The following SH3TC1 variants were observed in gnomAD, a reference collection of about 807,000 sequenced individuals.
SH3TC1 encodes SH3 domain and tetratricopeptide repeat-containing protein 1.
A neutral mutation model predicts 117.3 loss-of-function variants in SH3TC1; 135 were observed. The ratio of observed to expected loss-of-function variants is 1.15; its 90% CI spans 1.00 to 1.33. The LOEUF (loss-of-function observed/expected upper bound fraction) is 1.33, where lower values mean the gene tolerates loss of function less well. SH3TC1 is among the 40% of genes most tolerant of loss of function. SH3TC1 has a pLI of 0.00. For synonymous variants in SH3TC1, 898 were observed against 816.9 expected, an observed-to-expected ratio of 1.10 and a Z score of -1.69; for missense variants, 2,092 against 1,794.3, an observed-to-expected ratio of 1.17 and a Z score of -3.00.
intron 6 of SH3TC1, among the ~76,000 whole-genome samples, chr4:8,216,730 G>A (rs1235218503): frequency 6.6e-6 from 1 of 152,152 alleles, no homozygotes; most frequent in Non-Finnish European, 1.5e-5. Flanking sequence ...CCCAGGGCGA[G>A]GGTCTGAGGC....
At chr4:8,229,792 C>G (rs1720974762) in intron 12 of SH3TC1, among the ~76,000 whole-genome samples, 1 of 152,108 alleles carries the variant, frequency 6.6e-6, no homozygotes, top group South Asian at 2.1e-4. Flanking sequence ...CCCCAGCCCC[C>G]ACAGCAGCCT....
In SH3TC1 at chr4:8,225,957, G is replaced by A. The variant is rs1407296098; in HGVS notation, c.1285+741G>A. Among the ~76,000 whole-genome samples the A allele has an allele frequency of 2.6e-5, 4 of 152,258 alleles. No individual in the cohort carries two copies. Among genetic ancestry groups the A allele is most frequent in the Middle Eastern group, 3.4e-3 (1 of 294 alleles). On this transcript the variant is annotated intron_variant, in intron 11 of 17. Coordinates refer to ENST00000245105, the MANE Select transcript of SH3TC1 (RefSeq NM_018986.5). The surrounding 1 kb of genome is among the most constrained non-coding windows in gnomAD (Gnocchi z 5.5). The stretch of plus-strand genomic sequence containing the variant: ...GACTCCAGCTGCCCCCAAGGCCAGG[G>A]TAATAGCTGGGAGGGGCTGTTTGCC...
At chr4:8,230,090 GC>G (rs1345699041) in intron 12 of SH3TC1, among the ~76,000 whole-genome samples, 2 of 152,280 alleles carry the variant, frequency 1.3e-5, no homozygotes, top group South Asian at 2.1e-4. Context: ...CGAGGGTGGG[GC>G]TGATACCCCA....
upstream of SH3TC1, among the ~76,000 whole-genome samples, chr4:8,197,730 G>GA (rs71175469): frequency 0.95 from 144,444 of 152,260 alleles, 68,796 homozygotes; most frequent in East Asian, 1. Context: ...GCAGCGAGGG[G>GA]CATGCCTAGG....
chr4:8,220,388 G>T (rs7673585), intron 9 of SH3TC1, among the ~76,000 whole-genome samples: 3,481 of 109,228 alleles, frequency 0.032, 133 homozygotes, highest in African/African-American at 0.087. Context: ...TGGCTCCTCT[G>T]GGGGGGGCAC....
At chr4:8,234,669 C>A (rs1429676738) in intron 14 of SH3TC1, among the ~76,000 whole-genome samples, 1 of 152,238 alleles carries the variant, frequency 6.6e-6, no homozygotes, top group East Asian at 1.9e-4. Flanking sequence ...CACTGCTGAG[C>A]ACCTGTTGTA....
intron 4 of SH3TC1, 71 bp downstream of exon 4, chr4:8,212,899 T>A: frequency 6.8e-7 from 1 of 1,477,016 alleles, no homozygotes; most frequent in East Asian, 2.5e-5. Flanking sequence ...TGAGGTGCAG[T>A]GTCTGAGACT....
chr4:8,219,305 T>C, intron 8 of SH3TC1, 30 bp from the exon 9 acceptor site: 1 of 1,556,132 alleles, frequency 6.4e-7, no homozygotes, highest in Non-Finnish European at 8.7e-7. Context: ...TTGGTCTCCC[T>C]GGCACTCACC....
At chr4:8,237,843 C>T (rs957353979) in intron 17 of SH3TC1, among the ~76,000 whole-genome samples, 173 bp downstream of exon 17, 11 of 152,062 alleles carry the variant, frequency 7.2e-5, no homozygotes, top group African/African-American at 2.7e-4. Flanking sequence ...ACCCAGCTCC[C>T]GAGCGGCCAG....
chr4:8,198,922 C>T (rs1211390437), upstream of SH3TC1, among the ~76,000 whole-genome samples: 7 of 152,094 alleles, frequency 4.6e-5, no homozygotes, highest in Admixed American at 3.9e-4. Flanking sequence ...TGTGTGCATG[C>T]ATGTATGTGT....
chr4:8,214,925 A>T (rs1719101894), intron 5 of SH3TC1, among the ~76,000 whole-genome samples: 1 of 152,148 alleles, frequency 6.6e-6, no homozygotes, highest in Non-Finnish European at 1.5e-5. Context: ...GCTTCAGGTG[A>T]TCCGCCCGCC....
chr4:8,240,660 G>A (rs561974295), intron 17 of SH3TC1, 38 bp from the exon 18 acceptor site: 68 of 1,611,116 alleles, frequency 4.2e-5, no homozygotes, highest in Middle Eastern at 1.7e-4. Flanking sequence ...GACTGGCTCC[G>A]AGTCCCCCTT....
Position 8,216,258 on chromosome 4 carries a change from G to T in SH3TC1, c.628+1G>T. ...CACGAGAGCCTCCTCATCCAAGAAG[G>T]TGAGCGTTGCATGGGGTGATGGCCG... is the stretch of plus-strand genomic sequence containing the variant. On this transcript the variant is annotated splice_donor_variant, in intron 6 of 17. Transcript: ENST00000245105. LOFTEE classifies it high-confidence loss of function. The T allele has an allele frequency of 1.9e-6, 3 of 1,612,940 alleles. No individual in the cohort carries two copies. Among genetic ancestry groups the T allele is most frequent in the Non-Finnish European group, 2.5e-6 (3 of 1,179,698 alleles).
At chr4:8,231,696 C>A (rs1259479046) in intron 12 of SH3TC1, 5 of 474,564 alleles carry the variant, frequency 1.1e-5, no homozygotes, top group African/African-American at 9.7e-5. Flanking sequence ...CGGCCCTGGT[C>A]CTGGCCAGAG....
At chr4:8,200,272 G>A (rs1717746684) in intron 1 of SH3TC1, among the ~76,000 whole-genome samples, 1 of 152,364 alleles carries the variant, frequency 6.6e-6, no homozygotes, top group Admixed American at 6.5e-5. Flanking sequence ...TGTGGCTGGA[G>A]GCAAGGCTGG....
At chr4:8,223,816 A>G (rs1025045680) in intron 10 of SH3TC1, among the ~76,000 whole-genome samples, 13 of 151,926 alleles carry the variant, frequency 8.6e-5, no homozygotes, top group African/African-American at 2.4e-4. Flanking sequence ...GCATTTTTTT[A>G]TACAGACAGA....
rs773802304 is a variant in SH3TC1 at position 8,240,832 on chromosome 4, G to A, written c.3888G>A (p.Lys1296=). 5.0e-6 allele frequency: 8 copies of A among 1,614,096 alleles called. No individual in the cohort carries two copies. The South Asian group carries it at 8.8e-5, about 18-fold the overall frequency. Reference sequence around the variant, plus strand: ...ACAACTTCCTCCTGGACCGTGAGAAGTCGCTCTTCTTCTACCAGAAGGCCA... The same window carrying A: ...ACAACTTCCTCCTGGACCGTGAGAAATCGCTCTTCTTCTACCAGAAGGCCA... The part of the protein sequence containing the change: ...IYHNFLLDRE[K]SLFFYQKART... The change falls in exon 18 of 18, where the codon AAG becomes AAA. Residue 1296 remains lysine, a synonymous_variant. Coordinates refer to ENST00000245105, the MANE Select transcript of SH3TC1 (RefSeq NM_018986.5).
chr4:8,222,749 G>C, intron 9 of SH3TC1, 91 bp from the exon 10 acceptor site: 1 of 1,499,618 alleles, frequency 6.7e-7, no homozygotes, highest in Non-Finnish European at 9.1e-7. Context: ...GAGACTATCT[G>C]TCTGTCAAAT....
Position 8,227,892 on chromosome 4 carries a change from C to T in SH3TC1, c.2198C>T (p.Ala733Val). 6.2e-7 allele frequency: 1 copy of T among 1,612,812 alleles called. No homozygotes were observed. The highest frequency in any genetic ancestry group is 8.5e-7 in the Non-Finnish European group (1 of 1,179,974). The change falls in exon 12 of 18, where the codon GCC becomes GTC. Residue 733 changes from alanine to valine, a missense_variant. Ala to Val is a moderately conservative substitution (Grantham distance 64). Coordinates refer to ENST00000245105, the MANE Select transcript of SH3TC1 (RefSeq NM_018986.5). ...PHLVLSCVKV[A>V]SLRTRGSLAG... ...CTGGTGCTGAGCTGTGTCAAGGTGG[C>T]CTCATTGCGGACACGGGGCTCGCTG...
Sources: allele counts gnomAD v4.1 joint callset (sites outside exome capture counted in the v4.1 genomes callset), GRCh38; gene constraint gnomAD v4.1.1; non-coding constraint Gnocchi (gnomAD v3.1); transcripts MANE v1.5; gene names NCBI Gene and HGNC (gene_info 2026-07-23, HGNC 2026-07-21).